The following TGFBR3 variants were observed in gnomAD, a reference collection of about 807,000 sequenced individuals.
TGFBR3 encodes transforming growth factor beta receptor 3, also known as transforming growth factor beta receptor type 3.
In TGFBR3, 46 loss-of-function variants were observed where a neutral mutation model predicts 87.9. That is an observed-to-expected ratio of 0.52 (90% CI 0.41 to 0.67). The LOEUF (loss-of-function observed/expected upper bound fraction) is 0.67, where lower values mean the gene tolerates loss of function less well. TGFBR3 is among the 30% of genes least tolerant of loss of function. The pLI, the probability that TGFBR3 is intolerant of heterozygous loss-of-function variation, is 0.00. For synonymous variants in TGFBR3, 381 were observed against 391.6 expected (o/e 0.97, Z 0.32); for missense variants, 866 against 1,041.9 (o/e 0.83, Z 2.32).
chr1:91,711,258 T>A (rs975667607), intron 13 of TGFBR3, among the ~76,000 whole-genome samples: 2 of 152,224 alleles, frequency 1.3e-5, no homozygotes, highest in African/African-American at 4.8e-5. Context: ...TATGATCATA[T>A]CTGCTCTATT....
At chr1:91,733,240 C>T (rs1672836577) in intron 5 of TGFBR3, among the ~76,000 whole-genome samples, 1 of 152,198 alleles carries the variant, frequency 6.6e-6, no homozygotes, top group African/African-American at 2.4e-5. Context: ...ACTTAAAGTA[C>T]AGCTCAGGCA....
Position 91,681,190 on chromosome 1 carries a change from TA to T in TGFBR3, c.*2548del. On this transcript the variant is annotated 3_prime_UTR_variant, in exon 17 of 17. Transcript: ENST00000212355. ...GAGCTTGTACTTTGTATTAAAACTG[TA>T]AAGTGTGAAGCAATTAGAAATACTG... 4.4e-6 allele frequency: 2 copies of T among 453,430 alleles called. No homozygotes were observed. Among genetic ancestry groups the T allele is most frequent in the Non-Finnish European group, 8.8e-6 (2 of 226,500 alleles). 28.1% of individuals were successfully genotyped at this position (453,430 alleles called of 1,614,324 possible).
At chr1:91,780,704 C>T (rs1336405713) in intron 3 of TGFBR3, among the ~76,000 whole-genome samples, 1 of 151,678 alleles carries the variant, frequency 6.6e-6, no homozygotes, top group Non-Finnish European at 1.5e-5. Context: ...AGAATACAGG[C>T]ATGCGTCACC....
chr1:91,710,561 G>A (rs1671944312), intron 13 of TGFBR3, among the ~76,000 whole-genome samples: 1 of 148,734 alleles, frequency 6.7e-6, no homozygotes, highest in South Asian at 2.1e-4. Context: ...AGATTCTTTG[G>A]CGCTCTCTAT....
chr1:91,888,582 A>G (rs1296000703), upstream of TGFBR3, among the ~76,000 whole-genome samples: 1 of 152,110 alleles, frequency 6.6e-6, no homozygotes, highest in Non-Finnish European at 1.5e-5. Flanking sequence ...GGCACCTGTA[A>G]TCCCAGCTAC....
chr1:91,785,915 C>A (rs1674940585), intron 3 of TGFBR3, among the ~76,000 whole-genome samples: 1 of 151,822 alleles, frequency 6.6e-6, no homozygotes, highest in African/African-American at 2.4e-5. Context: ...CACAGGTGCA[C>A]ACTACTATGC....
intron 2 of TGFBR3, among the ~76,000 whole-genome samples, chr1:91,813,174 G>A (rs958737839): frequency 2.0e-5 from 3 of 152,152 alleles, no homozygotes; most frequent in South Asian, 4.1e-4. Flanking sequence ...CAAACCTGCT[G>A]TAAAACTGAT....
chr1:91,760,824 TGAG>T (rs1341300263), intron 3 of TGFBR3, among the ~76,000 whole-genome samples: 1 of 152,122 alleles, frequency 6.6e-6, no homozygotes, highest in East Asian at 1.9e-4. Flanking sequence ...TGATAGCCAC[TGAG>T]AAGAAGAGAT....
chr1:91,893,595 T>G (rs912466486), intron 2 of TGFBR3, among the ~76,000 whole-genome samples: 2 of 152,146 alleles, frequency 1.3e-5, no homozygotes, highest in Admixed American at 1.3e-4. Flanking sequence ...TTGTAACACA[T>G]TCTTTAAGAT....
At position 91,801,015 on chromosome 1, in the gene TGFBR3, G is replaced by A. The variant is rs141982657; in HGVS notation, c.62-3544C>T. On this transcript the variant is annotated intron_variant, in intron 2 of 16. Coordinates refer to ENST00000212355, the MANE Select transcript of TGFBR3 (RefSeq NM_003243.5). The stretch of plus-strand genomic sequence containing the variant: ...GAAGAATCGCTTGAACCCGGGAGGC[G>A]GAGGTTGCAGTGAGCCAAGATCGCG... 973 of 219,308 alleles carry A rather than the reference G, an allele frequency of 4.4e-3. 2 individuals are homozygous for A. The highest frequency in any genetic ancestry group is 7.7e-3 in the Non-Finnish European group (798 of 103,934). The allele number at this position is 219,308 out of a possible 1,614,324, so 13.6% of individuals were successfully genotyped here. A position where few individuals can be genotyped will look rare whatever the true frequency, so the allele number is the denominator to read the frequency against.
intron 16 of TGFBR3, 53 bp downstream of exon 16, chr1:91,695,619 G>A (rs1470856163): frequency 7.4e-7 from 1 of 1,351,624 alleles, no homozygotes; most frequent in Non-Finnish European, 1.1e-6. Context: ...AGTGTCTATT[G>A]TGTGGCAGGA....
At chr1:91,846,503 G>C (rs1352438) in intron 2 of TGFBR3, among the ~76,000 whole-genome samples, 21,256 of 151,864 alleles carry the variant, frequency 0.14, 1,874 homozygotes, top group East Asian at 0.38. Flanking sequence ...TCAGGCTCTC[G>C]GAGTCCTCTA....
intron 5 of TGFBR3, among the ~76,000 whole-genome samples, chr1:91,731,358 C>T (rs1672761624): frequency 6.6e-6 from 1 of 152,306 alleles, no homozygotes; most frequent in East Asian, 1.9e-4. Flanking sequence ...CCCAGCACCA[C>T]CCCAGAACAA....
intron 3 of TGFBR3, among the ~76,000 whole-genome samples, chr1:91,784,291 G>C (rs1449480046): frequency 6.6e-6 from 1 of 152,154 alleles, no homozygotes; most frequent in Non-Finnish European, 1.5e-5. Context: ...CTAATAGAAT[G>C]CAAAGCAAAT....
chr1:91,902,552 G>T (rs1422156242), intron 1 of TGFBR3, among the ~76,000 whole-genome samples: 1 of 151,682 alleles, frequency 6.6e-6, no homozygotes. Context: ...CAAAGTGCTG[G>T]GATTATAGGC....
chr1:91,865,944 A>C (rs544103241), intron 1 of TGFBR3, among the ~76,000 whole-genome samples: 5 of 151,458 alleles, frequency 3.3e-5, no homozygotes, highest in Non-Finnish European at 7.4e-5. Context: ...AATTCTTAGA[A>C]CTTAATGGGT....
At chr1:91,876,997 G>A (rs1400296290) in intron 1 of TGFBR3, among the ~76,000 whole-genome samples, 1 of 151,908 alleles carries the variant, frequency 6.6e-6, no homozygotes, top group Non-Finnish European at 1.5e-5. Context: ...CTTTTTCCTG[G>A]CTTTAGAGAA....
chr1:91,774,287 G>A (rs192192188), intron 3 of TGFBR3, among the ~76,000 whole-genome samples: 12 of 152,070 alleles, frequency 7.9e-5, no homozygotes, highest in Admixed American at 6.5e-4. Flanking sequence ...ACAGACGTGC[G>A]CCACCAGCCA....
intron 3 of TGFBR3, among the ~76,000 whole-genome samples, chr1:91,771,165 A>C (rs1020161593): frequency 1.3e-5 from 2 of 152,194 alleles, no homozygotes; most frequent in Non-Finnish European, 2.9e-5. Flanking sequence ...TGAAGTTACT[A>C]AACTAACAGG....
Sources: gnomAD v4.1 joint callset for allele counts (sites outside exome capture counted in the v4.1 genomes callset) on GRCh38, gnomAD v4.1.1 for gene constraint, MANE v1.5 for transcripts, NCBI Gene and HGNC (gene_info 2026-07-23, HGNC 2026-07-21) for gene names.